The following MYO1D variants were observed in gnomAD, a reference collection of about 807,000 sequenced individuals.
The protein encoded by MYO1D is unconventional myosin-Id.
In MYO1D, 83 loss-of-function variants were observed where a neutral mutation model predicts 122.0. The ratio of observed to expected loss-of-function variants is 0.68; its 90% CI spans 0.57 to 0.82. The LOEUF (loss-of-function observed/expected upper bound fraction) is 0.82, where lower values mean the gene tolerates loss of function less well. Among genes scored for constraint, MYO1D ranks in the 40% least tolerant of loss-of-function variants. MYO1D has a pLI of 0.00. For synonymous variants in MYO1D, 464 were observed against 446.9 expected (o/e 1.04, Z -0.48); for missense variants, 1,157 against 1,269.5 (o/e 0.91, Z 1.35).
chr17:32,698,299 T>TC (rs1267218225), intron 16 of MYO1D, among the ~76,000 whole-genome samples: 2 of 58,558 alleles, frequency 3.4e-5, no homozygotes, highest in Non-Finnish European at 6.4e-5. Context: ...CCTTCCCCCC[T>TC]CTCCCTCCCC....
At chr17:32,653,518 A>C (rs531566027) in intron 19 of MYO1D, among the ~76,000 whole-genome samples, 109 of 151,126 alleles carry the variant, frequency 7.2e-4, no homozygotes, top group Non-Finnish European at 1.3e-3. Flanking sequence ...AGACAGGAGA[A>C]TCACTTGAAC....
At chr17:32,684,549 C>G (rs1423402047) in intron 16 of MYO1D, among the ~76,000 whole-genome samples, 1 of 152,124 alleles carries the variant, frequency 6.6e-6, no homozygotes. Flanking sequence ...ACTCGCTGAT[C>G]TGTAAAAAGG....
chr17:32,686,964 AACACACACACACACACACAC>A (rs57125657), intron 16 of MYO1D, among the ~76,000 whole-genome samples: 8 of 145,526 alleles, frequency 5.5e-5, no homozygotes, highest in South Asian at 2.2e-4. Flanking sequence ...CCTGTTTCAA[AACACACACACACACACACAC>A]ACACACACAC....
chr17:32,718,462 C>G (rs113388073), intron 15 of MYO1D, among the ~76,000 whole-genome samples: 21,695 of 152,140 alleles, frequency 0.14, 1,984 homozygotes, highest in Middle Eastern at 0.28. Flanking sequence ...CTTTGGGAGG[C>G]TGAGGCGGGT....
At chr17:32,553,107 AAAAAAAAC>A (rs1299438290) in intron 21 of MYO1D, among the ~76,000 whole-genome samples, 2 of 151,352 alleles carry the variant, frequency 1.3e-5, no homozygotes, top group East Asian at 3.9e-4. Flanking sequence ...ACAAAACAAA[AAAAAAAAC>A]AAAAAAACCA....
chr17:32,861,694 C>T (rs2091078920), intron 1 of MYO1D, among the ~76,000 whole-genome samples: 1 of 152,090 alleles, frequency 6.6e-6, no homozygotes, highest in Non-Finnish European at 1.5e-5. Context: ...TCACTGGATA[C>T]CTTTCAGTTT....
At chr17:32,513,479 C>T (rs182659896) in intron 21 of MYO1D, among the ~76,000 whole-genome samples, 125 of 152,252 alleles carry the variant, frequency 8.2e-4, no homozygotes, top group Non-Finnish European at 1.3e-3. Context: ...GTTTGACTTC[C>T]TCTGGAAAAG....
At chr17:32,528,562 C>T (rs150311930) in intron 21 of MYO1D, among the ~76,000 whole-genome samples, 10 of 152,190 alleles carry the variant, frequency 6.6e-5, no homozygotes, top group Non-Finnish European at 1.5e-4. Flanking sequence ...ATCCCTGGAA[C>T]CTGTGAATGT....
intron 21 of MYO1D, among the ~76,000 whole-genome samples, chr17:32,550,824 T>C (rs543974687): frequency 9.9e-5 from 15 of 152,180 alleles, no homozygotes; most frequent in South Asian, 4.2e-4. Flanking sequence ...AGTGAGATGC[T>C]GTTTTTACAA....
At chr17:32,859,891 C>T (rs1426100080) in intron 1 of MYO1D, among the ~76,000 whole-genome samples, 1 of 152,180 alleles carries the variant, frequency 6.6e-6, no homozygotes, top group Non-Finnish European at 1.5e-5. Flanking sequence ...TTCAGGTATC[C>T]ACTCCCTTCC....
chr17:32,689,974 C>G (rs2089073059), intron 16 of MYO1D, among the ~76,000 whole-genome samples: 1 of 152,126 alleles, frequency 6.6e-6, no homozygotes, highest in African/African-American at 2.4e-5. Context: ...TATCCACCCG[C>G]CACAGTCTCC....
At chr17:32,800,197 C>T (rs374474675) in intron 1 of MYO1D, among the ~76,000 whole-genome samples, 22 of 152,020 alleles carry the variant, frequency 1.4e-4, no homozygotes, top group African/African-American at 4.3e-4. Context: ...TATACATACC[C>T]AAAGGAATTA....
chr17:32,517,334 C>A (rs1909925411), intron 21 of MYO1D, among the ~76,000 whole-genome samples: 1 of 152,204 alleles, frequency 6.6e-6, no homozygotes, highest in Admixed American at 6.5e-5. Context: ...CTGAAACAAT[C>A]TGAAGTGGGC....
intron 3 of MYO1D, among the ~76,000 whole-genome samples, chr17:32,777,664 G>T (rs147788197): frequency 6.6e-6 from 1 of 152,066 alleles, no homozygotes; most frequent in African/African-American, 2.4e-5. Context: ...AATCCTGTTC[G>T]GCCGGGCGCG....
At chr17:32,840,148 T>C (rs1471449632) in intron 1 of MYO1D, among the ~76,000 whole-genome samples, 3 of 152,202 alleles carry the variant, frequency 2.0e-5, no homozygotes, top group Non-Finnish European at 4.4e-5. Flanking sequence ...GGGGTTCATA[T>C]ACAACAGATT....
chr17:32,581,103 C>G (rs964992951), intron 21 of MYO1D, among the ~76,000 whole-genome samples: 12 of 152,164 alleles, frequency 7.9e-5, no homozygotes, highest in Admixed American at 7.9e-4. Flanking sequence ...AAGGTTTTAA[C>G]TATGAATTAA....
At chr17:32,635,920 C>T (rs984787102) in intron 20 of MYO1D, among the ~76,000 whole-genome samples, 1 of 152,060 alleles carries the variant, frequency 6.6e-6, no homozygotes, top group Non-Finnish European at 1.5e-5. Context: ...ATGATGTTCC[C>T]ATAGTTTTTT....
intron 16 of MYO1D, among the ~76,000 whole-genome samples, chr17:32,685,677 T>A (rs114413149): frequency 6.6e-6 from 1 of 152,348 alleles, no homozygotes; most frequent in East Asian, 1.9e-4. Context: ...CAGAGCTCCT[T>A]GATTTAACCA....
At chr17:32,540,003 G>C (rs1910787618) in intron 21 of MYO1D, among the ~76,000 whole-genome samples, 1 of 152,012 alleles carries the variant, frequency 6.6e-6, no homozygotes, top group Non-Finnish European at 1.5e-5. Context: ...TAGATAAACT[G>C]AATTTCGTCA....
Sources: allele counts gnomAD v4.1 joint callset (sites outside exome capture counted in the v4.1 genomes callset), GRCh38; gene constraint gnomAD v4.1.1; transcripts MANE v1.5; gene names NCBI Gene and HGNC (gene_info 2026-07-23, HGNC 2026-07-21).